The following TRMT44 variants were observed in gnomAD, a reference collection of about 807,000 sequenced individuals.
TRMT44 encodes probable tRNA (uracil-O(2)-)-methyltransferase.
In TRMT44, 78 loss-of-function variants were observed where a neutral mutation model predicts 77.3. The observed-to-expected ratio is 1.01, with a 90% CI of 0.84 to 1.22. The LOEUF is 1.22. Among genes scored for constraint, TRMT44 ranks in the 50% most tolerant of loss-of-function variants. The pLI is 0.00. For synonymous variants in TRMT44, 391 were observed against 383.3 expected, an observed-to-expected ratio of 1.02 and a Z score of -0.23; for missense variants, 1,090 against 964.4, an observed-to-expected ratio of 1.13 and a Z score of -1.73.
At chr4:8,472,982 C>T (rs994111088) in intron 10 of TRMT44, among the ~76,000 whole-genome samples, 4 of 152,210 alleles carry the variant, frequency 2.6e-5, no homozygotes, top group Admixed American at 6.5e-5. Flanking sequence ...GTGCAGGTCA[C>T]CCTGGGGGGG....
intron 2 of TRMT44, among the ~76,000 whole-genome samples, chr4:8,490,589 TC>T (rs1727966543): frequency 6.6e-6 from 1 of 151,472 alleles, no homozygotes; most frequent in African/African-American, 2.4e-5. Flanking sequence ...TGTTCATTCC[TC>T]CCCGTGGGCT....
At chr4:8,453,176 C>T (rs569681571) in intron 5 of TRMT44, among the ~76,000 whole-genome samples, 187 bp downstream of exon 5, 2 of 152,182 alleles carry the variant, frequency 1.3e-5, no homozygotes, top group African/African-American at 4.8e-5. Context: ...ACAAGGGAAA[C>T]GTGGTGATCT....
chr4:8,494,655 C>G (rs556156227), downstream of TRMT44, among the ~76,000 whole-genome samples: 11 of 152,280 alleles, frequency 7.2e-5, no homozygotes, highest in African/African-American at 2.6e-4. Context: ...GCAAGCTGTG[C>G]CCGACCACCT....
chr4:8,447,971 G>A (rs997692391), intron 2 of TRMT44, among the ~76,000 whole-genome samples: 1 of 152,204 alleles, frequency 6.6e-6, no homozygotes, highest in African/African-American at 2.4e-5. Context: ...GCGTTGGAGT[G>A]ACTTTCATTG....
chr4:8,468,565 CAG>C, intron 9 of TRMT44: 1 of 602,916 alleles, frequency 1.7e-6, no homozygotes, highest in South Asian at 2.1e-5. Flanking sequence ...CAGGGAGTGA[CAG>C]AGTTTGGACC....
chr4:8,480,429 A>G (rs886586001), downstream of TRMT44, among the ~76,000 whole-genome samples: 1 of 151,960 alleles, frequency 6.6e-6, no homozygotes, highest in Non-Finnish European at 1.5e-5. Flanking sequence ...CCCTCCTTGC[A>G]CTCCGGACGT....
In TRMT44 at chr4:8,446,572, G is replaced by T. The variant is rs191714565; in HGVS notation, c.716G>T (p.Ser239Ile). Reference protein sequence around the residue: ...KMSNVYQIQLSHSKEEWFISV... With the variant: ...KMSNVYQIQLIHSKEEWFISV... Reference sequence around the variant, plus strand: ...AGCAATGTGTATCAAATTCAGCTCAGTCATAGCAAAGAAGAATGGTAAGAG... The same window carrying T: ...AGCAATGTGTATCAAATTCAGCTCATTCATAGCAAAGAAGAATGGTAAGAG... The change falls in exon 2 of 11, where the codon AGT becomes ATT. Residue 239 changes from serine to isoleucine, a missense_variant. Coordinates refer to ENST00000389737, the MANE Select transcript of TRMT44 (RefSeq NM_152544.3). This position sits in a 1 kb window ranked among gnomAD's most constrained non-coding sequence, Gnocchi z 4.3. The T allele has an allele frequency of 6.5e-7, 1 of 1,535,436 alleles. No homozygotes were observed.
chr4:8,507,186 A>T, the TRMT44 span: 18,805 of 152,320 alleles, frequency 0.12, 1,199 homozygotes, highest in Middle Eastern at 0.15. Context: ...GAGCAGGCAC[A>T]GGGGGCTCTT....
chr4:8,489,236 C>G (rs894942205), intron 2 of TRMT44, among the ~76,000 whole-genome samples: 9 of 152,206 alleles, frequency 5.9e-5, no homozygotes, highest in Non-Finnish European at 1.3e-4. Context: ...TGCAACATGG[C>G]CACCAGGCAA....
intron 9 of TRMT44, chr4:8,468,674 AGCAAAAT>A (rs899742239): frequency 1.9e-6 from 1 of 532,154 alleles, no homozygotes; most frequent in African/African-American, 1.9e-5. Flanking sequence ...ACTGAGTGCA[AGCAAAAT>A]GCACTGTCCC....
In TRMT44 at chr4:8,465,568, CT is replaced by C. The variant is rs754242700; in HGVS notation, c.1494+8del. The C allele has an allele frequency of 6.2e-7, 1 of 1,608,788 alleles. No individual in the cohort carries two copies. Among genetic ancestry groups the C allele is most frequent in the Non-Finnish European group, 8.5e-7 (1 of 1,177,024 alleles). On this transcript the variant is annotated splice_region_variant and intron_variant, in intron 8 of 10. Coordinates refer to ENST00000389737, the MANE Select transcript of TRMT44 (RefSeq NM_152544.3). ...GATTCCTTCAACCAAAAGAGTATGT[CT>C]GATTCTCATGTTGTTCTAGGCGGTG...
At chr4:8,485,841 G>A (rs1288040497) in intron 2 of TRMT44, among the ~76,000 whole-genome samples, 3 of 152,152 alleles carry the variant, frequency 2.0e-5, no homozygotes, top group Admixed American at 2.0e-4. Flanking sequence ...AGTTTTCAGG[G>A]GTTTTGAAGC....
At position 8,446,488 on chromosome 4, in the gene TRMT44, G is replaced by T; in HGVS notation, c.632G>T (p.Gly211Val). 6.5e-7 allele frequency: 1 copy of T among 1,535,712 alleles called. No individual in the cohort carries two copies. The highest frequency in any genetic ancestry group is 1.2e-5 in the South Asian group (1 of 84,000). The change falls in exon 2 of 11, where the codon GGA becomes GTA. Residue 211 changes from glycine (G) to valine (V), a missense_variant. Coordinates refer to ENST00000389737, the MANE Select transcript of TRMT44 (RefSeq NM_152544.3). The surrounding 1 kb of genome is among the most constrained non-coding windows in gnomAD (Gnocchi z 4.3). ...REIVVQDVLN[G>V]TITFLPLEED... is the part of the protein sequence containing the mutation. ...TTTTTCTTTCCAGATGTCCTCAATG[G>T]AACCATAACGTTTTTGCCTTTGGAA...
chr4:8,473,379 G>C (rs990981660), intron 10 of TRMT44: 1 of 152,326 alleles, frequency 6.6e-6, no homozygotes, highest in African/African-American at 2.4e-5. Context: ...GGCAGAGCAG[G>C]CCTTTCCTCC....
At chr4:8,445,636 GGCCACCCTGTATTCCATA>G (rs1266105372) in intron 1 of TRMT44, among the ~76,000 whole-genome samples, 4 of 152,174 alleles carry the variant, frequency 2.6e-5, no homozygotes, top group African/African-American at 9.7e-5. Context: ...GGACTTCCCT[GGCCACCCTGTATTCCATA>G]GCAGTAGACT....
At chr4:8,478,294 A>G (rs1036535136), downstream of TRMT44, 6 of 152,708 alleles carry the variant, frequency 3.9e-5, no homozygotes, top group African/African-American at 1.4e-4. Context: ...GGAGCATCAG[A>G]TGGGGTTGGG....
At chr4:8,478,396 G>T (rs925965955), downstream of TRMT44, 18 of 152,574 alleles carry the variant, frequency 1.2e-4, no homozygotes, top group African/African-American at 4.1e-4. Flanking sequence ...AGGCCCCTCC[G>T]TGTCACCTGG....
the TRMT44 span, among the ~76,000 whole-genome samples, chr4:8,498,641 G>A: frequency 6.6e-6 from 1 of 152,288 alleles, no homozygotes; most frequent in Non-Finnish European, 1.5e-5. The surrounding 1 kb of genome is among the most constrained non-coding windows in gnomAD (Gnocchi z 4.3). Flanking sequence ...CCCCCTGCCA[G>A]GGTGCTGAAG....
At chr4:8,472,874 G>A (rs1376537647) in intron 10 of TRMT44, among the ~76,000 whole-genome samples, 2 of 152,152 alleles carry the variant, frequency 1.3e-5, no homozygotes, top group African/African-American at 2.4e-5. Flanking sequence ...ACCTCCACGG[G>A]GCCTCTTTCT....
Sources: allele counts gnomAD v4.1 joint callset (sites outside exome capture counted in the v4.1 genomes callset), GRCh38; gene constraint gnomAD v4.1.1; non-coding constraint Gnocchi (gnomAD v3.1); transcripts MANE v1.5; gene names NCBI Gene and HGNC (gene_info 2026-07-23, HGNC 2026-07-21).